KLRG1: variants seen among roughly 807,000 people sequenced by gnomAD.
KLRG1 encodes the protein killer cell lectin-like receptor subfamily G member 1.
Under a neutral mutation model 21.8 loss-of-function variants are expected in KLRG1, and 16 were observed. The ratio of observed to expected loss-of-function variants is 0.73; its 90% CI spans 0.50 to 1.11. KLRG1 has a LOEUF of 1.11. Ranked by LOEUF, KLRG1 falls within the 50% of genes most tolerant of loss-of-function variation. The pLI is 0.00. For missense variants in KLRG1, 173 were observed against 218.3 expected (o/e 0.79, Z 1.31); for synonymous variants, 69 against 75.9 (o/e 0.91, Z 0.47).
chr12:9,153,137 A>G, the KLRG1 span: 1 of 1,614,064 alleles, frequency 6.2e-7, no homozygotes, highest in South Asian at 1.1e-5. Flanking sequence ...GAAGATACAC[A>G]CATCTTTCCC....
At chr12:9,073,926 A>G in the KLRG1 span, among the ~76,000 whole-genome samples, 1 of 152,060 alleles carries the variant, frequency 6.6e-6, no homozygotes, top group South Asian at 2.1e-4. Flanking sequence ...CGTCTCTACT[A>G]AAAATACAAA....
the KLRG1 span, among the ~76,000 whole-genome samples, chr12:9,211,007 A>G: frequency 6.6e-6 from 1 of 152,292 alleles, no homozygotes; most frequent in South Asian, 2.1e-4. Flanking sequence ...AGACGCATAC[A>G]CAGGAGTGAG....
At chr12:8,954,004 C>T (rs147186445) in intron 1 of KLRG1, among the ~76,000 whole-genome samples, 2 of 152,240 alleles carry the variant, frequency 1.3e-5, no homozygotes, top group East Asian at 3.9e-4. Flanking sequence ...AGGGTGTGGG[C>T]CTCTGTTGAG....
the KLRG1 span, chr12:9,106,464 T>C: frequency 7.4e-6 from 11 of 1,492,978 alleles, no homozygotes; most frequent in African/African-American, 1.4e-5. Context: ...TGTTGTGTTT[T>C]CTCTTATACC....
Position 9,009,762 on chromosome 12 carries a change from G to A in KLRG1, c.*225G>A. 3 of 1,416,746 alleles carry A rather than the reference G, an allele frequency of 2.1e-6. No individual in the cohort carries two copies. The South Asian group carries it at 4.8e-5, about 23-fold the overall frequency. 87.8% of individuals were successfully genotyped at this position (1,416,746 alleles called of 1,614,324 possible). The stretch of plus-strand genomic sequence containing the variant: ...TGAGCAATTTAAAGACCAGATCTAA[G>A]CAAATTTTGAAATAGATGTTTGTTT... On this transcript the variant is annotated 3_prime_UTR_variant, in exon 5 of 5. Transcript: ENST00000356986.
intron 1 of KLRG1, among the ~76,000 whole-genome samples, chr12:8,969,924 T>C (rs1465528927): frequency 6.6e-6 from 1 of 152,182 alleles, no homozygotes; most frequent in Non-Finnish European, 1.5e-5. Flanking sequence ...GAGACCAGAC[T>C]GGGCAACATG....
At chr12:9,141,308 A>G in the KLRG1 span, among the ~76,000 whole-genome samples, 1 of 152,224 alleles carries the variant, frequency 6.6e-6, no homozygotes, top group African/African-American at 2.4e-5. Flanking sequence ...GTATGATTTT[A>G]TACCAAATAA....
chr12:9,206,140 C>G, the KLRG1 span, among the ~76,000 whole-genome samples: 3 of 152,154 alleles, frequency 2.0e-5, no homozygotes, highest in African/African-American at 7.2e-5. Flanking sequence ...TGCTTCTGAT[C>G]TCCTGATCAC....
chr12:9,200,366 T>C, the KLRG1 span: 1 of 1,594,792 alleles, frequency 6.3e-7, no homozygotes, highest in Non-Finnish European at 8.6e-7. Context: ...TAACTCACTC[T>C]CCACAGACTG....
chr12:9,156,866 T>A, the KLRG1 span, among the ~76,000 whole-genome samples: 1 of 152,178 alleles, frequency 6.6e-6, no homozygotes, highest in Non-Finnish European at 1.5e-5. Flanking sequence ...CTGTTTGCTC[T>A]CACCTTTTTT....
the KLRG1 span, chr12:9,202,726 T>C: frequency 6.4e-7 from 1 of 1,563,982 alleles, no homozygotes; most frequent in Non-Finnish European, 8.7e-7. Context: ...AACTGTGCAG[T>C]CTTCTCCCTC....
chr12:9,060,129 C>T, the KLRG1 span, among the ~76,000 whole-genome samples: 4 of 151,398 alleles, frequency 2.6e-5, no homozygotes, highest in East Asian at 2.0e-4. Context: ...CTCAGCCTCC[C>T]GAGTAGTTGG....
the KLRG1 span, among the ~76,000 whole-genome samples, chr12:9,158,185 G>T: frequency 1.3e-5 from 2 of 152,150 alleles, no homozygotes; most frequent in Non-Finnish European, 2.9e-5. Context: ...ATACTCCTGG[G>T]CTCAAGTGAT....
chr12:8,988,772 G>T, upstream of KLRG1, among the ~76,000 whole-genome samples: 1 of 152,010 alleles, frequency 6.6e-6, no homozygotes, highest in Non-Finnish European at 1.5e-5. Flanking sequence ...AGTAGAGACG[G>T]GGTTTCACCA....
At chr12:9,137,124 G>T in the KLRG1 span, among the ~76,000 whole-genome samples, 1 of 152,100 alleles carries the variant, frequency 6.6e-6, no homozygotes, top group African/African-American at 2.4e-5. Context: ...CATAAAGCAT[G>T]TCTTTTATTT....
At chr12:9,172,872 A>T in the KLRG1 span, among the ~76,000 whole-genome samples, 2 of 152,212 alleles carry the variant, frequency 1.3e-5, no homozygotes, top group East Asian at 3.8e-4. Flanking sequence ...CCACACAATA[A>T]TAGCGAGAGA....
the KLRG1 span, among the ~76,000 whole-genome samples, chr12:9,074,306 GA>G: frequency 7.2e-5 from 11 of 152,138 alleles, no homozygotes; most frequent in Admixed American, 2.6e-4. Flanking sequence ...GCTGCTTGAG[GA>G]AGGCAGTGTT....
downstream of KLRG1, among the ~76,000 whole-genome samples, chr12:9,013,971 T>C (rs1305585170): frequency 6.6e-6 from 1 of 152,156 alleles, no homozygotes; most frequent in Admixed American, 6.5e-5. Context: ...TCAGTTGACT[T>C]ACTGAAGAAT....
chr12:9,157,980 T>G, the KLRG1 span: 541,041 of 696,332 alleles, frequency 0.78, 198,065 homozygotes, highest in Non-Finnish European at 0.81. Context: ...TCTCGACAGG[T>G]TCTTGCTCTG....
Sources: allele counts gnomAD v4.1 joint callset (sites outside exome capture counted in the v4.1 genomes callset), GRCh38; gene constraint gnomAD v4.1.1; transcripts MANE v1.5; gene names NCBI Gene and HGNC (gene_info 2026-07-23, HGNC 2026-07-21).